The following GOLIM4 variants were observed in gnomAD, a reference collection of about 807,000 sequenced individuals.
GOLIM4 encodes 130 kDa golgi-localized phosphoprotein.
A neutral mutation model predicts 107.4 loss-of-function variants in GOLIM4; 71 were observed. The observed-to-expected ratio is 0.66, with a 90% CI of 0.55 to 0.81. GOLIM4 has a LOEUF of 0.81. Among genes scored for constraint, GOLIM4 ranks in the 30% least tolerant of loss-of-function variants. The pLI, the probability that GOLIM4 is intolerant of heterozygous loss-of-function variation, is 0.00. For missense variants in GOLIM4, 830 were observed against 826.1 expected (o/e 1.00, Z -0.06); for synonymous variants, 327 against 294.8 (o/e 1.11, Z -1.12).
At chr3:168,075,840 T>C (rs1027319823) in intron 1 of GOLIM4, among the ~76,000 whole-genome samples, 3 of 152,184 alleles carry the variant, frequency 2.0e-5, no homozygotes, top group Non-Finnish European at 4.4e-5. Context: ...TAAGGGGACA[T>C]AGAGAATCAA....
At chr3:168,072,436 A>G (rs978206342) in intron 1 of GOLIM4, among the ~76,000 whole-genome samples, 2 of 152,148 alleles carry the variant, frequency 1.3e-5, no homozygotes, top group Admixed American at 6.5e-5. Flanking sequence ...ACATAAAACT[A>G]AAACTTGGCA....
In GOLIM4 at chr3:168,058,141, G is replaced by C. The variant is rs140359429; in HGVS notation, c.188-9776C>G. ...ACTATTTTTTTACTGCCTGGCAATT[G>C]CAGTATTTTTTTACTGTACAATAAA... On this transcript the variant is annotated intron_variant, in intron 1 of 15. Transcript: ENST00000470487. Among the ~76,000 whole-genome samples the C allele has an allele frequency of 1.3e-3, 195 of 152,260 alleles. 1 individual carries two copies. In the East Asian group the frequency reaches 0.014, roughly 11 times the overall value.
At position 168,010,750 on chromosome 3, in the gene GOLIM4, T is replaced by C; in HGVS notation, c.1934A>G (p.Asp645Gly). 3 of 1,606,262 alleles carry C rather than the reference T, an allele frequency of 1.9e-6. No homozygotes were observed. The highest frequency in any genetic ancestry group is 1.7e-6 in the Non-Finnish European group (2 of 1,173,206). ...HNAEETYGENDENTDDKNNDG... is the reference protein window; with the variant it reads ...HNAEETYGENGENTDDKNNDG... The stretch of plus-strand genomic sequence containing the variant: ...TATGTATCCCGGTCATACATTTTCA[T>C]CATTTTCACCATAGGTCTCTTCAGC... Residue 645 changes from aspartate to glycine, a missense_variant, in exon 15 of 16, where the codon GAT becomes GGT. Transcript: ENST00000470487.
chr3:168,069,387 TCCAATGATGAACATTTTTA>T (rs1273758607), intron 1 of GOLIM4, among the ~76,000 whole-genome samples: 1 of 152,218 alleles, frequency 6.6e-6, no homozygotes, highest in African/African-American at 2.4e-5. Flanking sequence ...AACTGATGTT[TCCAATGATGAACATTTTTA>T]CCAATGAAGT....
At chr3:168,030,324 A>C (rs1322755146) in intron 9 of GOLIM4, among the ~76,000 whole-genome samples, 1 of 152,204 alleles carries the variant, frequency 6.6e-6, no homozygotes, top group African/African-American at 2.4e-5. Flanking sequence ...TAACAGTTTC[A>C]AACTGTAAAA....
chr3:168,084,702 G>A (rs759773463), intron 1 of GOLIM4, among the ~76,000 whole-genome samples: 8 of 152,090 alleles, frequency 5.3e-5, no homozygotes, highest in Non-Finnish European at 1.2e-4. Flanking sequence ...TTTGAAATGG[G>A]GTGCTGTCAT....
At chr3:168,094,903 G>C in intron 1 of GOLIM4, among the ~76,000 whole-genome samples, 196 bp downstream of exon 1, 1 of 152,216 alleles carries the variant, frequency 6.6e-6, no homozygotes, top group East Asian at 1.9e-4. Flanking sequence ...ACCGCTGGGA[G>C]GAAGAAGCGG....
intron 1 of GOLIM4, among the ~76,000 whole-genome samples, chr3:168,086,170 TC>T: frequency 6.6e-6 from 1 of 152,094 alleles, no homozygotes; most frequent in African/African-American, 2.4e-5. Flanking sequence ...ACATTTTCTG[TC>T]TGTTAAAAGA....
At chr3:168,068,376 T>TA (rs200770845) in intron 1 of GOLIM4, among the ~76,000 whole-genome samples, 29 of 151,096 alleles carry the variant, frequency 1.9e-4, no homozygotes, top group East Asian at 7.8e-4. Context: ...AAAATAAAAT[T>TA]AAAAAAAAAA....
intron 1 of GOLIM4, among the ~76,000 whole-genome samples, chr3:168,069,658 CT>C (rs1265977830): frequency 1.3e-5 from 2 of 152,196 alleles, no homozygotes; most frequent in Admixed American, 1.3e-4. Flanking sequence ...GACTATTCCA[CT>C]TAATTGAGTT....
At chr3:168,086,211 C>T (rs987337323) in intron 1 of GOLIM4, among the ~76,000 whole-genome samples, 6 of 152,034 alleles carry the variant, frequency 3.9e-5, no homozygotes, top group Non-Finnish European at 8.8e-5. Flanking sequence ...GGGCAAGCAT[C>T]ATAGATTTCT....
At chr3:168,063,539 G>A (rs1190392562) in intron 1 of GOLIM4, among the ~76,000 whole-genome samples, 1 of 152,080 alleles carries the variant, frequency 6.6e-6, no homozygotes, top group Non-Finnish European at 1.5e-5. Context: ...TCTGAATAGG[G>A]TATCTTCCCC....
At chr3:168,091,935 C>T (rs138670652) in intron 1 of GOLIM4, among the ~76,000 whole-genome samples, 23 of 152,132 alleles carry the variant, frequency 1.5e-4, no homozygotes, top group African/African-American at 5.3e-4. Flanking sequence ...AGTAAATGCA[C>T]GGAAAGGCTC....
rs1716967602 is a variant in GOLIM4 at position 168,010,825 on chromosome 3, T to C, written c.1861-2A>G. On this transcript the variant is annotated splice_acceptor_variant, in intron 14 of 15. Coordinates refer to ENST00000470487, the MANE Select transcript of GOLIM4 (RefSeq NM_014498.5). LOFTEE classifies it high-confidence loss of function. ...CTCTTCAGTCAAATCTTCCTGAACC[T>C]AAAACAAACCACAGATATCATTTAA... 1 of 1,598,944 alleles carries C rather than the reference T, an allele frequency of 6.3e-7. No individual in the cohort carries two copies. The highest frequency in any genetic ancestry group is 8.6e-7 in the Non-Finnish European group (1 of 1,167,332).
chr3:168,018,586 T>C (rs149679529), intron 14 of GOLIM4, among the ~76,000 whole-genome samples: 34 of 152,330 alleles, frequency 2.2e-4, no homozygotes, highest in African/African-American at 7.9e-4. Flanking sequence ...CTTATGGTTC[T>C]ATCAGTGGTC....
Position 168,095,282 on chromosome 3 carries a change from C to T in GOLIM4, c.4G>A (p.Gly2Arg). 1 of 1,612,028 alleles carries T rather than the reference C, an allele frequency of 6.2e-7. No homozygotes were observed. Residue 2 changes from glycine to arginine, a missense_variant, in exon 1 of 16, where the codon GGA becomes AGA. Physicochemically the swap from Gly to Arg is moderately radical, Grantham distance 125. Coordinates refer to ENST00000470487, the MANE Select transcript of GOLIM4 (RefSeq NM_014498.5). ...TGCTTTCGGGAGCACATCCCGTTTC[C>T]CATAGTCCCGCCTGGACCCAAAGCC... M[G>R]NGMCSRKQKR... is the part of the protein sequence containing the mutation.
chr3:168,075,558 A>G (rs140785462), intron 1 of GOLIM4, among the ~76,000 whole-genome samples: 4,762 of 152,074 alleles, frequency 0.031, 237 homozygotes, highest in African/African-American at 0.11. Flanking sequence ...TCGGCCTCCC[A>G]AAGTGCTGGG....
At chr3:168,084,169 C>G (rs892949233) in intron 1 of GOLIM4, among the ~76,000 whole-genome samples, 2 of 152,118 alleles carry the variant, frequency 1.3e-5, no homozygotes, top group Admixed American at 1.3e-4. Flanking sequence ...GGCACCTCCC[C>G]CTTCACCCTC....
rs1159565674 is a variant in GOLIM4, at chr3:168,066,445, T to G, written c.188-18080A>C. Among the ~76,000 whole-genome samples the G allele has an allele frequency of 2.0e-5, 3 of 152,184 alleles. No individual in the cohort carries two copies. The East Asian group carries it at 5.8e-4, about 29-fold the overall frequency. On this transcript the variant is annotated intron_variant, in intron 1 of 15. Coordinates refer to ENST00000470487, the MANE Select transcript of GOLIM4 (RefSeq NM_014498.5). Reference sequence around the variant, plus strand: ...ATTAGAATAGTAGACATTTTACCTTTATTTGCTGTTATTTTTTCATTGACA... The same window carrying G: ...ATTAGAATAGTAGACATTTTACCTTGATTTGCTGTTATTTTTTCATTGACA...
Sources: allele counts gnomAD v4.1 joint callset (sites outside exome capture counted in the v4.1 genomes callset), GRCh38; gene constraint gnomAD v4.1.1; transcripts MANE v1.5; gene names NCBI Gene and HGNC (gene_info 2026-07-23, HGNC 2026-07-21).